Variants in CEP63 observed in about 807,000 individuals in gnomAD.
The protein encoded by CEP63 is centrosomal protein of 63 kDa.
A neutral mutation model predicts 89.1 loss-of-function variants in CEP63; 84 were observed. The observed-to-expected ratio is 0.94, with a 90% CI of 0.79 to 1.13. The LOEUF is 1.13. CEP63 is among the 50% of genes most tolerant of loss of function. The pLI is 0.00. For missense variants in CEP63, 838 were observed against 813.3 expected, an observed-to-expected ratio of 1.03 and a Z score of -0.37; for synonymous variants, 267 against 272.5, an observed-to-expected ratio of 0.98 and a Z score of 0.20.
chr3:134,496,430 A>AG (rs1559864108), intron 2 of CEP63, among the ~76,000 whole-genome samples: 1 of 22,140 alleles, frequency 4.5e-5, no homozygotes, highest in Non-Finnish European at 1.1e-4. Flanking sequence ...ATAGAAAAAA[A>AG]AGGGGGGGGG....
At chr3:134,604,089 G>A in the CEP63 span, 1 of 1,613,330 alleles carries the variant, frequency 6.2e-7, no homozygotes, top group Non-Finnish European at 8.5e-7. Flanking sequence ...GGGAAGCCAG[G>A]ACATTAATGC....
downstream of CEP63, chr3:134,575,156 G>GTT (rs1958170087): frequency 2.7e-5 from 3 of 109,640 alleles, no homozygotes; most frequent in African/African-American, 1.1e-4. Context: ...CCCTCCCTCC[G>GTT]TCCCCCTTCC....
chr3:134,708,594 C>T, the CEP63 span, among the ~76,000 whole-genome samples: 3 of 152,324 alleles, frequency 2.0e-5, no homozygotes, highest in South Asian at 2.1e-4. Flanking sequence ...TATTGTACTT[C>T]GTGTTCCCAG....
chr3:134,572,968 G>A (rs922478588), intron 11 of CEP63, among the ~76,000 whole-genome samples: 1 of 152,136 alleles, frequency 6.6e-6, no homozygotes, highest in African/African-American at 2.4e-5. Flanking sequence ...ATAGGAGATG[G>A]TTATCTCAGT....
the CEP63 span, among the ~76,000 whole-genome samples, chr3:134,698,408 G>A: frequency 1.3e-5 from 2 of 152,338 alleles, no homozygotes; most frequent in South Asian, 2.1e-4. Flanking sequence ...TCTGAGTGAA[G>A]GGGGGCGGGA....
intron 3 of CEP63, among the ~76,000 whole-genome samples, chr3:134,529,288 C>T (rs189031612): frequency 2.5e-4 from 38 of 151,196 alleles, no homozygotes; most frequent in African/African-American, 9.0e-4. Flanking sequence ...TATAAACATA[C>T]AGATTTTTTC....
the CEP63 span, among the ~76,000 whole-genome samples, chr3:134,746,015 A>G: frequency 6.6e-6 from 1 of 151,186 alleles, no homozygotes; most frequent in Non-Finnish European, 1.5e-5. Context: ...TTTTGCACCC[A>G]TTAACTCATC....
At chr3:134,545,531 A>G in intron 6 of CEP63, 55 bp from the exon 7 acceptor site, 1 of 1,231,034 alleles carries the variant, frequency 8.1e-7, no homozygotes, top group Middle Eastern at 1.9e-4. Flanking sequence ...AGTCTTATTC[A>G]TTGATTATTT....
At chr3:134,735,351 G>A in the CEP63 span, among the ~76,000 whole-genome samples, 3,241 of 152,126 alleles carry the variant, frequency 0.021, 114 homozygotes, top group African/African-American at 0.074. Context: ...TACAACTCAT[G>A]CCTGAATGAA....
intron 6 of CEP63, 73 bp downstream of exon 6, chr3:134,537,341 G>A (rs1950966049): frequency 9.6e-6 from 9 of 938,174 alleles, no homozygotes; most frequent in Non-Finnish European, 1.6e-5. Flanking sequence ...TTAATGCAGT[G>A]TCCTAGTACC....
chr3:134,744,359 T>A, the CEP63 span, among the ~76,000 whole-genome samples: 1 of 152,160 alleles, frequency 6.6e-6, no homozygotes, highest in African/African-American at 2.4e-5. Flanking sequence ...TGGAGACACC[T>A]TTAGATTCTC....
rs183184769 is a variant in CEP63, at chr3:134,558,390, A to G, written c.1673+43A>G. 1.5e-3 allele frequency: 1,904 copies of G among 1,240,932 alleles called. 27 individuals carry two copies. The highest frequency in any genetic ancestry group is 5.5e-4 in the Admixed American group (30 of 54,724). The allele number at this position is 1,240,932 out of a possible 1,614,324, so 76.9% of individuals were successfully genotyped here. A position where few individuals can be genotyped will look rare whatever the true frequency, so the allele number is the denominator to read the frequency against. Reference sequence around the variant, plus strand: ...TTTATTTAAAATGTGTATTGGTACAATATAATTCTCATTTCTTTGAGAATA... The same window carrying G: ...TTTATTTAAAATGTGTATTGGTACAGTATAATTCTCATTTCTTTGAGAATA... On this transcript the variant is annotated intron_variant, in intron 13 of 14. Transcript: ENST00000675561.
the CEP63 span, among the ~76,000 whole-genome samples, chr3:134,731,881 A>G: frequency 1.3e-5 from 2 of 152,190 alleles, no homozygotes; most frequent in African/African-American, 2.4e-5. Flanking sequence ...AAGTTTGACA[A>G]TAAGTGCAAA....
At chr3:134,548,173 C>T (rs555047862) in intron 9 of CEP63, among the ~76,000 whole-genome samples, 11 of 152,316 alleles carry the variant, frequency 7.2e-5, no homozygotes, top group Admixed American at 2.0e-4. Context: ...CCTATGTCTC[C>T]GTCAAGTTAT....
At chr3:134,652,375 T>A in the CEP63 span, among the ~76,000 whole-genome samples, 1,145 of 152,116 alleles carry the variant, frequency 7.5e-3, 16 homozygotes, top group African/African-American at 0.027. Flanking sequence ...ATTCTGAAGG[T>A]CTTCCTCCAA....
chr3:134,629,770 G>T, the CEP63 span: 1 of 860,116 alleles, frequency 1.2e-6, no homozygotes, highest in Non-Finnish European at 1.9e-6. Flanking sequence ...ACTGATGATT[G>T]AATAAAAAAA....
the CEP63 span, among the ~76,000 whole-genome samples, chr3:134,694,951 C>A: frequency 6.6e-6 from 1 of 152,116 alleles, no homozygotes; most frequent in Non-Finnish European, 1.5e-5. Context: ...GTTTCCAGCA[C>A]ATTGTGGTGT....
At chr3:134,778,944 G>T in the CEP63 span, among the ~76,000 whole-genome samples, 105,649 of 152,092 alleles carry the variant, frequency 0.69, 38,264 homozygotes, top group East Asian at 0.87. Context: ...CTAAGTTGGT[G>T]CTGAGCAGCG....
intron 7 of CEP63, 43 bp downstream of exon 7, chr3:134,545,862 A>G: frequency 7.1e-7 from 1 of 1,399,850 alleles, no homozygotes; most frequent in Non-Finnish European, 1.0e-6. Flanking sequence ...TGTGTGTATG[A>G]GTATTTTAAG....
Sources: gnomAD v4.1 joint callset for allele counts (sites outside exome capture counted in the v4.1 genomes callset) on GRCh38, gnomAD v4.1.1 for gene constraint, MANE v1.5 for transcripts, NCBI Gene and HGNC (gene_info 2026-07-23, HGNC 2026-07-21) for gene names.